The following NR3C2 variants were observed in gnomAD, a reference collection of about 807,000 sequenced individuals.
NR3C2 encodes the protein mineralocorticoid receptor.
Under a neutral mutation model 86.4 loss-of-function variants are expected in NR3C2, and 15 were observed. That is an observed-to-expected ratio of 0.17 (90% confidence interval 0.12 to 0.27). The LOEUF (loss-of-function observed/expected upper bound fraction) is 0.27, where lower values mean the gene tolerates loss of function less well. Ranked by LOEUF, NR3C2 falls within the 10% of genes least tolerant of loss-of-function variation. The pLI, the probability that NR3C2 is intolerant of heterozygous loss-of-function variation, is 1.00. For missense variants in NR3C2, 960 were observed against 1,195.6 expected, an observed-to-expected ratio of 0.80 and a Z score of 2.91; for synonymous variants, 458 against 450.5, an observed-to-expected ratio of 1.02 and a Z score of -0.21.
chr4:148,290,165 C>T (rs1741731712), intron 2 of NR3C2, among the ~76,000 whole-genome samples: 1 of 152,110 alleles, frequency 6.6e-6, no homozygotes, highest in South Asian at 2.1e-4. Flanking sequence ...TCTTTCTGTG[C>T]CCCCACATGG....
At chr4:148,387,377 TCTAAA>T (rs1334195807) in intron 2 of NR3C2, among the ~76,000 whole-genome samples, 1 of 152,164 alleles carries the variant, frequency 6.6e-6, no homozygotes, top group Non-Finnish European at 1.5e-5. Flanking sequence ...GCTGCCTTCC[TCTAAA>T]CTAGAGAAAG....
intron 2 of NR3C2, among the ~76,000 whole-genome samples, chr4:148,385,974 A>G (rs1221237458): frequency 6.6e-6 from 1 of 152,206 alleles, no homozygotes; most frequent in African/African-American, 2.4e-5. Context: ...TTCCTATTTC[A>G]GATACGTGGG....
At chr4:148,416,819 A>G (rs1474301659) in intron 2 of NR3C2, among the ~76,000 whole-genome samples, 1 of 151,664 alleles carries the variant, frequency 6.6e-6, no homozygotes, top group Non-Finnish European at 1.5e-5. Flanking sequence ...CTTGTTGCCC[A>G]GGCTGGAGTG....
chr4:148,404,129 T>C (rs1258823001), intron 2 of NR3C2, among the ~76,000 whole-genome samples: 1 of 152,120 alleles, frequency 6.6e-6, no homozygotes, highest in African/African-American at 2.4e-5. Context: ...TTTGGAACTA[T>C]TTTGTAAAGT....
At chr4:148,334,387 A>G (rs191989640) in intron 2 of NR3C2, among the ~76,000 whole-genome samples, 3 of 152,316 alleles carry the variant, frequency 2.0e-5, no homozygotes, top group Non-Finnish European at 2.9e-5. Flanking sequence ...TTCTAAAATT[A>G]CAAAAATTAG....
chr4:148,184,294 C>A (rs1282053436), intron 4 of NR3C2, among the ~76,000 whole-genome samples: 17 of 141,278 alleles, frequency 1.2e-4, no homozygotes, highest in East Asian at 2.1e-4. Context: ...ACTAAAAATA[C>A]AAAAAAAAAA....
intron 2 of NR3C2, among the ~76,000 whole-genome samples, chr4:148,400,967 T>C (rs1748132092): frequency 6.6e-6 from 1 of 152,200 alleles, no homozygotes; most frequent in Non-Finnish European, 1.5e-5. Context: ...AATGTGAATG[T>C]CTAATATCAC....
At position 148,136,612 on chromosome 4, in the gene NR3C2, G is replaced by A. The variant is rs55862218; in HGVS notation, c.2510+15857C>T. 9.6e-3 allele frequency among the ~76,000 whole-genome samples: 1,455 copies of A among 152,130 alleles called. 24 individuals are homozygous for A. The highest frequency in any genetic ancestry group is 0.033 in the African/African-American group (1,388 of 41,486). ...CCTTTCAAGCTACACAGTTTTGCCC[G>A]GCAGCTTTCCTTGACCACTGTAGTC... On this transcript the variant is annotated intron_variant, in intron 6 of 8. Coordinates refer to ENST00000358102, the MANE Select transcript of NR3C2 (RefSeq NM_000901.5).
At chr4:148,297,456 C>G (rs533254473) in intron 2 of NR3C2, among the ~76,000 whole-genome samples, 194 of 152,174 alleles carry the variant, frequency 1.3e-3, no homozygotes, top group Non-Finnish European at 2.4e-3. Flanking sequence ...TAAACTACAC[C>G]TATATATTTA....
intron 3 of NR3C2, among the ~76,000 whole-genome samples, chr4:148,214,701 A>G (rs780890160): frequency 3.9e-5 from 6 of 152,206 alleles, no homozygotes; most frequent in East Asian, 1.9e-4. Flanking sequence ...TGGCTCAAGG[A>G]AAGAGCAGCT....
chr4:148,159,302 G>A (rs1262280402), intron 4 of NR3C2, among the ~76,000 whole-genome samples: 3 of 152,158 alleles, frequency 2.0e-5, no homozygotes, highest in Non-Finnish European at 4.4e-5. Context: ...TGTGGGAAAT[G>A]TGGGCAAGCT....
chr4:148,152,467 A>C lies in NR3C2; in HGVS notation c.2510+2T>G. ...TATGAAGGCTAATTAATAGGTACTT[A>C]CTCATTAAAGACTAGGTCTGGTGCA... On this transcript the variant is annotated splice_donor_variant, in intron 6 of 8. Coordinates refer to ENST00000358102, the MANE Select transcript of NR3C2 (RefSeq NM_000901.5). LOFTEE classifies it high-confidence loss of function. The C allele has an allele frequency of 6.2e-7, 1 of 1,613,666 alleles. No individual in the cohort carries two copies. Among genetic ancestry groups the C allele is most frequent in the Non-Finnish European group, 8.5e-7 (1 of 1,179,716 alleles).
intron 3 of NR3C2, among the ~76,000 whole-genome samples, chr4:148,258,396 G>A (rs996316536): frequency 1.3e-5 from 2 of 152,174 alleles, no homozygotes; most frequent in Non-Finnish European, 2.9e-5. Flanking sequence ...TCAGTATTGT[G>A]CAAATTTATT....
rs543408041 is a variant in NR3C2 at position 148,286,902 on chromosome 4, G to A, written c.1758-26785C>T. Among the ~76,000 whole-genome samples the A allele has an allele frequency of 3.9e-5, 6 of 152,340 alleles. No individual in the cohort carries two copies. The East Asian group carries it at 1.2e-3, about 29-fold the overall frequency. ...TCACAATTCTTTTCTGAATGGGAAT[G>A]TCGTTAGAGAGTCAAGTCCTCTAAA... is the stretch of plus-strand genomic sequence containing the variant. On this transcript the variant is annotated intron_variant, in intron 2 of 8. Transcript: ENST00000358102.
intron 2 of NR3C2, among the ~76,000 whole-genome samples, chr4:148,344,445 G>A (rs1260879328): frequency 6.6e-6 from 1 of 152,094 alleles, no homozygotes. Context: ...ACATAAACTT[G>A]GCAAGTTACT....
At chr4:148,353,142 C>G (rs1745379352) in intron 2 of NR3C2, among the ~76,000 whole-genome samples, 1 of 152,018 alleles carries the variant, frequency 6.6e-6, no homozygotes, top group Admixed American at 6.6e-5. Flanking sequence ...AAAATGCTCC[C>G]AAGACATGAT....
intron 2 of NR3C2, among the ~76,000 whole-genome samples, chr4:148,422,985 T>A (rs1193446997): frequency 1.3e-5 from 2 of 152,180 alleles, no homozygotes; most frequent in Non-Finnish European, 2.9e-5. Flanking sequence ...GCTGTTAACA[T>A]ACATGGTTTA....
intron 2 of NR3C2, among the ~76,000 whole-genome samples, chr4:148,432,867 G>T (rs1450405248): frequency 6.6e-6 from 1 of 152,034 alleles, no homozygotes; most frequent in African/African-American, 2.4e-5. Context: ...AAACAAATAG[G>T]TTTGGATAGT....
chr4:148,283,413 C>A (rs1286198032), intron 2 of NR3C2, among the ~76,000 whole-genome samples: 1 of 152,176 alleles, frequency 6.6e-6, no homozygotes, highest in Non-Finnish European at 1.5e-5. Context: ...AGTTTATTTT[C>A]ATAAAGAACC....
Sources: gnomAD v4.1 joint callset for allele counts (sites outside exome capture counted in the v4.1 genomes callset) on GRCh38, gnomAD v4.1.1 for gene constraint, MANE v1.5 for transcripts, NCBI Gene and HGNC (gene_info 2026-07-23, HGNC 2026-07-21) for gene names.